Variants in MAPK8IP1 observed in about 807,000 individuals in gnomAD.
MAPK8IP1 encodes mitogen-activated protein kinase 8 interacting protein 1, also known as C-Jun-amino-terminal kinase-interacting protein 1.
MAPK8IP1 carries 17 observed loss-of-function variants against 72.6 expected under a neutral mutation model. The ratio of observed to expected loss-of-function variants is 0.23; its 90% CI spans 0.16 to 0.35. MAPK8IP1 has a LOEUF of 0.35. MAPK8IP1 is among the 10% of genes least tolerant of loss of function. MAPK8IP1 has a pLI of 1.00. For synonymous variants in MAPK8IP1, 401 were observed against 443.4 expected, an observed-to-expected ratio of 0.90 and a Z score of 1.20; for missense variants, 789 against 1,009.7, an observed-to-expected ratio of 0.78 and a Z score of 2.96.
Position 45,904,263 on chromosome 11 carries a change from G to T in MAPK8IP1, c.1666+102G>T. On this transcript the variant is annotated intron_variant, in intron 7 of 11. Transcript: ENST00000241014. This position sits in a 1 kb window ranked among gnomAD's most constrained non-coding sequence, Gnocchi z 6.4. ...TCCAGATCTCAGCCAGCCAGGTGGG[G>T]GGCTGAGTGGAAGTGATTTTAGGTC... 6 of 1,357,578 alleles carry T rather than the reference G, an allele frequency of 4.4e-6. No homozygotes were observed. The highest frequency in any genetic ancestry group is 6.2e-6 in the Non-Finnish European group (6 of 969,480). 84.1% of individuals were successfully genotyped at this position (1,357,578 alleles called of 1,614,324 possible). A position where few individuals can be genotyped will look rare whatever the true frequency, so the allele number is the denominator to read the frequency against.
Position 45,905,262 on chromosome 11 carries a change from C to T in MAPK8IP1, c.2063+13C>T. The T allele has an allele frequency of 6.2e-6, 10 of 1,608,722 alleles. No homozygotes were observed. The highest frequency in any genetic ancestry group is 8.5e-6 in the Non-Finnish European group (10 of 1,177,532). The stretch of plus-strand genomic sequence containing the variant: ...CAGAGTCCGTGGGGTACGTGTACAC[C>T]CTGCTGAGCACCCAGCCCGAGGGAG... On this transcript the variant is annotated intron_variant, in intron 11 of 11. Transcript: ENST00000241014.
intron 3 of MAPK8IP1, 56 bp from the exon 4 acceptor site, chr11:45,901,924 C>A: frequency 2.1e-6 from 3 of 1,395,674 alleles, no homozygotes; most frequent in South Asian, 2.3e-5. Flanking sequence ...CGGGGCCTCC[C>A]TGTGCCGGGC....
At chr11:45,895,118 T>A (rs2086593254) in intron 1 of MAPK8IP1, among the ~76,000 whole-genome samples, 1 of 152,222 alleles carries the variant, frequency 6.6e-6, no homozygotes, top group African/African-American at 2.4e-5. Context: ...AACCTGCTGC[T>A]AGTGGAGAGC....
Position 45,904,292 on chromosome 11 carries a change from T to C in MAPK8IP1, c.1666+131T>C. 2 of 1,264,296 alleles carry C rather than the reference T, an allele frequency of 1.6e-6. No homozygotes were observed. Among genetic ancestry groups the C allele is most frequent in the Non-Finnish European group, 2.3e-6 (2 of 887,010 alleles). 78.3% of individuals were successfully genotyped at this position (1,264,296 alleles called of 1,614,324 possible). A position where few individuals can be genotyped will look rare whatever the true frequency, so the allele number is the denominator to read the frequency against. Reference sequence around the variant, plus strand: ...TGAGTGGAAGTGATTTTAGGTCCTTTTCACGATCAAGCAAAGTGAGGCCCG... The same window carrying C: ...TGAGTGGAAGTGATTTTAGGTCCTTCTCACGATCAAGCAAAGTGAGGCCCG... On this transcript the variant is annotated intron_variant, in intron 7 of 11. Transcript: ENST00000241014. The surrounding 1 kb of genome is among the most constrained non-coding windows in gnomAD (Gnocchi z 6.4).
At chr11:45,889,833 C>T (rs1019014698) in intron 1 of MAPK8IP1, among the ~76,000 whole-genome samples, 2 of 152,134 alleles carry the variant, frequency 1.3e-5, no homozygotes, top group East Asian at 1.9e-4. Flanking sequence ...ATGGGGCCAC[C>T]GAGAGGCTTC....
intron 1 of MAPK8IP1, among the ~76,000 whole-genome samples, chr11:45,888,338 G>A (rs1410823465): frequency 6.6e-6 from 1 of 152,158 alleles, no homozygotes; most frequent in African/African-American, 2.4e-5. Context: ...CATTCTAAGA[G>A]TTTCCTATGT....
At chr11:45,893,923 AG>A (rs1195592341) in intron 1 of MAPK8IP1, among the ~76,000 whole-genome samples, 1 of 151,930 alleles carries the variant, frequency 6.6e-6, no homozygotes, top group East Asian at 1.9e-4. Flanking sequence ...CTGGGAGGCC[AG>A]AACATCTGGT....
chr11:45,892,804 T>G (rs1227253669), intron 1 of MAPK8IP1, among the ~76,000 whole-genome samples: 2 of 151,942 alleles, frequency 1.3e-5, no homozygotes, highest in Non-Finnish European at 2.9e-5. Context: ...CTGGGAAGAG[T>G]GACCAGACCA....
chr11:45,900,428 C>T lies in MAPK8IP1; in HGVS notation c.498C>T (p.Leu166=), dbSNP rs958340222. ...CCAAGCGGCCCACCACGCTCAACCT[C>T]TTTCCGCAGGTGCCGCGGTCTCAGG... ...YRPKRPTTLN[L]FPQVPRSQDT... The change falls in exon 3 of 12, where the codon CTC becomes CTT. Residue 166 remains leucine (L), a synonymous_variant. Transcript: ENST00000241014. The surrounding 1 kb of genome is among the most constrained non-coding windows in gnomAD (Gnocchi z 6.5). 7.2e-6 allele frequency: 11 copies of T among 1,532,336 alleles called. No individual in the cohort carries two copies. The highest frequency in any genetic ancestry group is 9.6e-6 in the Non-Finnish European group (11 of 1,145,484). The allele number at this position is 1,532,336 out of a possible 1,614,324, so 94.9% of individuals were successfully genotyped here.
At chr11:45,885,956 C>T in intron 1 of MAPK8IP1, 35 bp downstream of exon 1, 1 of 1,376,598 alleles carries the variant, frequency 7.3e-7, no homozygotes, top group Non-Finnish European at 9.6e-7. Flanking sequence ...CCTCGCCCTT[C>T]AGCGGGGACT....
chr11:45,902,124 A>T lies in MAPK8IP1; in HGVS notation c.604+63A>T. ...TGCCCTGACTCAGTCCCCACTACAGAGAGCAAACCCTACAGTCTCCAAAGG... is the reference window on the plus strand; with the variant it reads ...TGCCCTGACTCAGTCCCCACTACAGTGAGCAAACCCTACAGTCTCCAAAGG... On this transcript the variant is annotated intron_variant, in intron 4 of 11. Coordinates refer to ENST00000241014, the MANE Select transcript of MAPK8IP1 (RefSeq NM_005456.4). The surrounding 1 kb of genome is among the most constrained non-coding windows in gnomAD (Gnocchi z 9.3). 7.0e-7 allele frequency: 1 copy of T among 1,418,504 alleles called. No homozygotes were observed. Among genetic ancestry groups the T allele is most frequent in the South Asian group, 1.1e-5 (1 of 87,254 alleles). The allele number at this position is 1,418,504 out of a possible 1,614,324, so 87.9% of individuals were successfully genotyped here.
chr11:45,903,383 T>C lies in MAPK8IP1; in HGVS notation c.1436T>C (p.Leu479Pro). Residue 479 changes from leucine (L) to proline (P), a missense_variant, in exon 6 of 12, where the codon CTG (leucine) becomes CCG (proline). Transcript: ENST00000241014. The surrounding 1 kb of genome is among the most constrained non-coding windows in gnomAD (Gnocchi z 6.4). ...CCTGCAGGTGCTGAGTCCTTCGGGCTGTTCTCCTGCATCATCAACGGGGAG... is the reference window on the plus strand; with the variant it reads ...CCTGCAGGTGCTGAGTCCTTCGGGCCGTTCTCCTGCATCATCAACGGGGAG... Reference protein sequence around the residue: ...SRSSSAESFGLFSCIINGEEQ... With the variant: ...SRSSSAESFGPFSCIINGEEQ... 6.2e-7 allele frequency: 1 copy of C among 1,613,774 alleles called. No individual in the cohort carries two copies. The highest frequency in any genetic ancestry group is 8.5e-7 in the Non-Finnish European group (1 of 1,180,014).
In MAPK8IP1 at chr11:45,902,423, C is replaced by T. The variant is rs956986431; in HGVS notation, c.656C>T (p.Pro219Leu). The change falls in exon 5 of 12, where the codon CCC becomes CTC. Residue 219 changes from proline (P) to leucine (L), a missense_variant. Pro to Leu is a moderately conservative substitution (Grantham distance 98). Transcript: ENST00000241014. This position sits in a 1 kb window ranked among gnomAD's most constrained non-coding sequence, Gnocchi z 9.3. ...ATCTGCCTGAGCGATGAGCTGCCCC[C>T]CCAGAGCGGCCCCGCCCCCACCACA... ...EHICLSDELP[P>L]QSGPAPTTDR... is the part of the protein sequence containing the mutation. The T allele has an allele frequency of 3.8e-6, 6 of 1,585,368 alleles. No individual in the cohort carries two copies. Among genetic ancestry groups the T allele is most frequent in the Non-Finnish European group, 5.1e-6 (6 of 1,167,044 alleles).
Position 45,906,328 on chromosome 11 carries a change from G to C in MAPK8IP1, c.*607G>C. The stretch of plus-strand genomic sequence containing the variant: ...GGCATGCTGGCCTGTGGCAGGCCTA[G>C]GACCTCAGGCGGGGAGGAGGAGCTG... On this transcript the variant is annotated 3_prime_UTR_variant, in exon 12 of 12. Coordinates refer to ENST00000241014, the MANE Select transcript of MAPK8IP1 (RefSeq NM_005456.4). The C allele has an allele frequency of 2.2e-6, 1 of 445,252 alleles. No homozygotes were observed. Among genetic ancestry groups the C allele is most frequent in the South Asian group, 5.8e-5 (1 of 17,130 alleles). 27.6% of individuals were successfully genotyped at this position (445,252 alleles called of 1,614,324 possible). A position where few individuals can be genotyped will look rare whatever the true frequency, so the allele number is the denominator to read the frequency against.
Position 45,903,230 on chromosome 11 carries a change from G to A in MAPK8IP1, c.1417+46G>A, listed in dbSNP as rs1201401411. On this transcript the variant is annotated intron_variant, in intron 5 of 11. Transcript: ENST00000241014. The surrounding 1 kb of genome is among the most constrained non-coding windows in gnomAD (Gnocchi z 6.4). ...AGTGGGGTGGGGGGGTCCCTAGCGGGGGCAGAGCCAAAATGCGAAGTGTTC... is the reference window on the plus strand; with the variant it reads ...AGTGGGGTGGGGGGGTCCCTAGCGGAGGCAGAGCCAAAATGCGAAGTGTTC... The A allele has an allele frequency of 2.5e-6, 4 of 1,589,772 alleles. No homozygotes were observed. The South Asian group carries it at 3.3e-5, about 13-fold the overall frequency.
chr11:45,896,855 G>GCC (rs1456010483), intron 1 of MAPK8IP1: 3 of 1,548,852 alleles, frequency 1.9e-6, no homozygotes, highest in Non-Finnish European at 2.6e-6. Flanking sequence ...GGGCCCCGCA[G>GCC]CCCCCCGGCC....
Position 45,902,240 on chromosome 11 carries a change from C to T in MAPK8IP1, c.605-132C>T. On this transcript the variant is annotated intron_variant, in intron 4 of 11. Coordinates refer to ENST00000241014, the MANE Select transcript of MAPK8IP1 (RefSeq NM_005456.4). This position sits in a 1 kb window ranked among gnomAD's most constrained non-coding sequence, Gnocchi z 9.3. ...GTGGCATGAGTGAGTTGACTGGCCC[C>T]AGAGCCTGCGAAGGGCCTGTTGCCC... is the stretch of plus-strand genomic sequence containing the variant. The T allele has an allele frequency of 1.0e-6, 1 of 991,690 alleles. No homozygotes were observed. The highest frequency in any genetic ancestry group is 1.3e-5 in the South Asian group (1 of 75,074). 61.4% of individuals were successfully genotyped at this position (991,690 alleles called of 1,614,324 possible).
intron 3 of MAPK8IP1, 94 bp from the exon 4 acceptor site, chr11:45,901,886 C>T: frequency 2.2e-6 from 2 of 910,748 alleles, no homozygotes; most frequent in East Asian, 2.4e-5. Context: ...CAGCAAATGG[C>T]CCTAGGGATG....
intron 2 of MAPK8IP1, among the ~76,000 whole-genome samples, chr11:45,899,359 GC>G (rs957120664): frequency 6.6e-6 from 1 of 152,278 alleles, no homozygotes; most frequent in Non-Finnish European, 1.5e-5. Context: ...CCCCTAAGGG[GC>G]CTCAGACAAG....
Sources: allele counts gnomAD v4.1 joint callset (sites outside exome capture counted in the v4.1 genomes callset), GRCh38; gene constraint gnomAD v4.1.1; non-coding constraint Gnocchi (gnomAD v3.1); transcripts MANE v1.5; gene names NCBI Gene and HGNC (gene_info 2026-07-23, HGNC 2026-07-21).